Variants in STAU2 observed in about 807,000 individuals in gnomAD.
STAU2 encodes staufen double-stranded RNA binding protein 2.
In STAU2, 20 loss-of-function variants were observed where a neutral mutation model predicts 65.9. The observed-to-expected ratio is 0.30, with a 90% confidence interval of 0.21 to 0.44. The LOEUF (loss-of-function observed/expected upper bound fraction) is 0.44. STAU2 is among the 20% of genes least tolerant of loss of function. The probability of loss-of-function intolerance (pLI) is 1.00; values close to 1 mark genes in which losing one functional copy is unlikely to be tolerated. For missense variants in STAU2, 558 were observed against 683.9 expected (o/e 0.82, Z 2.05); for synonymous variants, 232 against 233.9 (o/e 0.99, Z 0.07).
At chr8:73,445,471 T>C (rs1818417631) in intron 13 of STAU2, among the ~76,000 whole-genome samples, 1 of 152,250 alleles carries the variant, frequency 6.6e-6, no homozygotes, top group African/African-American at 2.4e-5. Context: ...TTAAGCTTTA[T>C]TTTTTAAAAC....
At chr8:73,455,464 A>G (rs1165869359) in intron 13 of STAU2, among the ~76,000 whole-genome samples, 3 of 151,742 alleles carry the variant, frequency 2.0e-5, no homozygotes, top group Non-Finnish European at 4.4e-5. Flanking sequence ...CTGACACCAG[A>G]CCTCCCTTGA....
intron 13 of STAU2, among the ~76,000 whole-genome samples, chr8:73,434,239 A>C (rs1185670951): frequency 9.2e-6 from 1 of 108,890 alleles, no homozygotes; most frequent in African/African-American, 4.3e-5. Flanking sequence ...TTGACTCAAC[A>C]CAAGGAATGT....
chr8:73,466,491 G>C (rs1018631304), intron 13 of STAU2, among the ~76,000 whole-genome samples: 1 of 152,148 alleles, frequency 6.6e-6, no homozygotes, highest in African/African-American at 2.4e-5. Context: ...AGGGGGTGGA[G>C]GTAAACTTAA....
chr8:73,648,996 A>C (rs1815604527), intron 6 of STAU2, among the ~76,000 whole-genome samples: 1 of 151,996 alleles, frequency 6.6e-6, no homozygotes, highest in Admixed American at 6.6e-5. Flanking sequence ...TGTAGAGACT[A>C]AGTCTTGCTA....
intron 13 of STAU2, among the ~76,000 whole-genome samples, chr8:73,489,800 T>C (rs1821075014): frequency 6.6e-6 from 1 of 152,028 alleles, no homozygotes; most frequent in Admixed American, 6.6e-5. Context: ...GCTGAGAGTT[T>C]TATAGACTCA....
intron 13 of STAU2, among the ~76,000 whole-genome samples, chr8:73,426,901 C>T (rs979188752): frequency 6.6e-6 from 1 of 151,524 alleles, no homozygotes; most frequent in African/African-American, 2.4e-5. Context: ...CATTTCTGAG[C>T]CAAAGATGAT....
intron 13 of STAU2, among the ~76,000 whole-genome samples, chr8:73,535,939 T>C (rs1439077095): frequency 1.3e-5 from 2 of 152,136 alleles, no homozygotes; most frequent in Non-Finnish European, 2.9e-5. Context: ...CAAATCTTAT[T>C]ATATACTGAC....
intron 13 of STAU2, among the ~76,000 whole-genome samples, chr8:73,453,330 A>T (rs1266349869): frequency 7.0e-6 from 1 of 143,582 alleles, no homozygotes; most frequent in Non-Finnish European, 1.5e-5. Flanking sequence ...CATATAAAAT[A>T]TCATGCTGTA....
At chr8:73,654,756 G>A (rs563150113) in intron 6 of STAU2, among the ~76,000 whole-genome samples, 10 of 121,452 alleles carry the variant, frequency 8.2e-5, no homozygotes, top group South Asian at 2.8e-4. Context: ...GCACGATCTC[G>A]ACTCACTGCA....
rs57076627 is a variant in STAU2 at position 73,626,074 on chromosome 8, TACACACACAC to T, written c.411-8633_411-8624del. On this transcript the variant is annotated intron_variant, in intron 6 of 14. Coordinates refer to ENST00000524300, the MANE Select transcript of STAU2 (RefSeq NM_001164380.2). ...AAACTATCAATCAAGTAAGTACACATACACACACACACACACACACACACACACAGACACA... is the reference window on the plus strand; with the variant it reads ...AAACTATCAATCAAGTAAGTACACATACACACACACACACACACAGACACA... Among the ~76,000 whole-genome samples the T allele has an allele frequency of 4.1e-5, 6 of 146,162 alleles. No individual in the cohort carries two copies. The East Asian group carries it at 8.0e-4, about 20-fold the overall frequency.
intron 6 of STAU2, among the ~76,000 whole-genome samples, chr8:73,618,480 A>C (rs954609805): frequency 6.6e-6 from 1 of 152,178 alleles, no homozygotes; most frequent in African/African-American, 2.4e-5. Context: ...AACTCGGAGG[A>C]AGCCTGTCTG....
At chr8:73,475,496 C>A (rs558243851) in intron 13 of STAU2, among the ~76,000 whole-genome samples, 2 of 152,240 alleles carry the variant, frequency 1.3e-5, no homozygotes, top group South Asian at 2.1e-4. Flanking sequence ...GTAAATAGAT[C>A]TATAAATTCA....
At chr8:73,456,415 T>C (rs980832632) in intron 13 of STAU2, among the ~76,000 whole-genome samples, 1 of 152,200 alleles carries the variant, frequency 6.6e-6, no homozygotes, top group African/African-American at 2.4e-5. Context: ...GAGTTATCAA[T>C]CATTCATTCA....
chr8:73,717,620 CTTTTGT>C (rs1428357438), intron 3 of STAU2, among the ~76,000 whole-genome samples: 8 of 132,638 alleles, frequency 6.0e-5, no homozygotes, highest in African/African-American at 2.5e-4. Context: ...ATCTATTTGT[CTTTTGT>C]TGTTGTTGTT....
chr8:73,557,800 T>C (rs1204620206), intron 12 of STAU2, among the ~76,000 whole-genome samples: 1 of 152,178 alleles, frequency 6.6e-6, no homozygotes, highest in East Asian at 1.9e-4. Flanking sequence ...TCACCCTTTA[T>C]CTGAAGAGGT....
At chr8:73,638,536 G>T (rs1476886040) in intron 6 of STAU2, among the ~76,000 whole-genome samples, 1 of 143,868 alleles carries the variant, frequency 7.0e-6, no homozygotes. Flanking sequence ...GTCCATCAGA[G>T]TAACTTCAAA....
At chr8:73,572,697 GC>G (rs1329972363) in intron 12 of STAU2, among the ~76,000 whole-genome samples, 2 of 152,134 alleles carry the variant, frequency 1.3e-5, no homozygotes, top group Non-Finnish European at 2.9e-5. Context: ...AAATTCAACA[GC>G]CCTTCATGCT....
Position 73,508,480 on chromosome 8 carries a change from T to C in STAU2, c.1530+43532A>G, listed in dbSNP as rs368630420. On this transcript the variant is annotated intron_variant, in intron 13 of 14. Coordinates refer to ENST00000524300, the MANE Select transcript of STAU2 (RefSeq NM_001164380.2). ...TTGTGGCACCCTAAAACAATTACAA[T>C]AGTAACATCAAAGATCACTGATCAC... Among the ~76,000 whole-genome samples, 370 of 152,208 alleles carry C rather than the reference T, an allele frequency of 2.4e-3. 1 individual carries two copies. Among genetic ancestry groups the C allele is most frequent in the African/African-American group, 8.4e-3 (347 of 41,524 alleles).
chr8:73,604,653 A>G (rs138819239), intron 9 of STAU2, among the ~76,000 whole-genome samples: 1,839 of 152,336 alleles, frequency 0.012, 26 homozygotes, highest in Non-Finnish European at 0.019. Context: ...AATACTTCAC[A>G]TAAGGAAAAA....
Sources: gnomAD v4.1 joint callset for allele counts (sites outside exome capture counted in the v4.1 genomes callset) on GRCh38, gnomAD v4.1.1 for gene constraint, MANE v1.5 for transcripts, NCBI Gene and HGNC (gene_info 2026-07-23, HGNC 2026-07-21) for gene names.